RTN3: variants seen among roughly 807,000 people sequenced by gnomAD.
The protein encoded by RTN3 is reticulon 3.
RTN3 carries 49 observed loss-of-function variants against 77.8 expected under a neutral mutation model. That is an observed-to-expected ratio of 0.63 (90% CI 0.50 to 0.80). RTN3 has a LOEUF of 0.80. Ranked by LOEUF, RTN3 falls within the 30% of genes least tolerant of loss-of-function variation. The pLI, the probability that RTN3 is intolerant of heterozygous loss-of-function variation, is 0.00. For missense variants in RTN3, 1,236 were observed against 1,211.9 expected (o/e 1.02, Z -0.29); for synonymous variants, 464 against 446.9 (o/e 1.04, Z -0.48).
rs1342709360 is a variant in RTN3 at position 63,750,103 on chromosome 11, C to T, written c.2643C>T (p.Tyr881=). ...TCAGTGTCATCAGTGTGGTTTCTTA[C>T]CTCATCCTGGCTCTTCTCTCTGTCA... ...AAFSVISVVS[Y]LILALLSVTI... Residue 881 remains tyrosine, a synonymous_variant, in exon 4 of 9, where the codon TAC becomes TAT. Coordinates refer to ENST00000377819, the MANE Select transcript of RTN3 (RefSeq NM_001265589.2). 3 of 1,613,150 alleles carry T rather than the reference C, an allele frequency of 1.9e-6. No homozygotes were observed. The highest frequency in any genetic ancestry group is 2.2e-5 in the South Asian group (2 of 90,860).
chr11:63,750,530 G>T, intron 4 of RTN3: 1 of 227,058 alleles, frequency 4.4e-6, no homozygotes, highest in South Asian at 6.1e-5. Flanking sequence ...TCAGCTTATC[G>T]CAACCTCTGC....
intron 3 of RTN3, among the ~76,000 whole-genome samples, chr11:63,741,528 C>T (rs2013478740): frequency 7.2e-6 from 1 of 138,948 alleles, no homozygotes; most frequent in Non-Finnish European, 1.5e-5. Flanking sequence ...GAGACAGCGT[C>T]TCATTCTATT....
chr11:63,682,715 A>G (rs1417457813), intron 1 of RTN3, among the ~76,000 whole-genome samples: 2 of 152,160 alleles, frequency 1.3e-5, no homozygotes, highest in African/African-American at 4.8e-5. Flanking sequence ...CATCTCTGTG[A>G]AAGACTAAGA....
Position 63,720,903 on chromosome 11 carries a change from T to A in RTN3, c.2401T>A (p.Ser801Thr). The part of the protein sequence containing the change: ...DILERNVKNG[S>T]DLGISQKPIT... Reference sequence around the variant, plus strand: ...CCTAGAACGTAATGTCAAGAATGGATCTGATCTTGGGATTTCCCAGAAGCC... The same window carrying A: ...CCTAGAACGTAATGTCAAGAATGGAACTGATCTTGGGATTTCCCAGAAGCC... The change falls in exon 3 of 9, where the codon TCT becomes ACT. Residue 801 changes from serine (S) to threonine (T), a missense_variant. Ser to Thr is a moderately conservative substitution (Grantham distance 58). Coordinates refer to ENST00000377819, the MANE Select transcript of RTN3 (RefSeq NM_001265589.2). The A allele has an allele frequency of 6.2e-7, 1 of 1,614,078 alleles. No individual in the cohort carries two copies.
At chr11:63,742,233 C>T (rs191728908) in intron 3 of RTN3, among the ~76,000 whole-genome samples, 110 of 151,486 alleles carry the variant, frequency 7.3e-4, no homozygotes, top group Middle Eastern at 3.4e-3. Context: ...CCTGCCTCGG[C>T]CTCCCAAAGT....
In RTN3 at chr11:63,688,223, CTT is replaced by C. The variant is rs34253380; in HGVS notation, c.142+6462_142+6463del. 6.8e-3 allele frequency among the ~76,000 whole-genome samples: 885 copies of C among 130,186 alleles called. 9 individuals are homozygous for C. The highest frequency in any genetic ancestry group is 0.023 in the African/African-American group (822 of 35,746). The allele number at this position is 130,186 out of a possible 152,430, so 85.4% of individuals were successfully genotyped here. On this transcript the variant is annotated intron_variant, in intron 1 of 8. Transcript: ENST00000377819. Reference sequence around the variant, plus strand: ...CTCCAAGAATAAGAAGTGTGTTTTGCTTTTTTTTTTTTTTTTTTGAGACGGAG... The same window carrying C: ...CTCCAAGAATAAGAAGTGTGTTTTGCTTTTTTTTTTTTTTTTGAGACGGAG...
intron 3 of RTN3, among the ~76,000 whole-genome samples, chr11:63,730,754 G>A (rs1028868936): frequency 1.4e-4 from 22 of 152,142 alleles, no homozygotes; most frequent in Non-Finnish European, 2.8e-4. Flanking sequence ...AGGAGGTGGA[G>A]GCTGCAGTGA....
At chr11:63,751,904 A>G (rs1190460377) in intron 4 of RTN3, among the ~76,000 whole-genome samples, 2 of 152,140 alleles carry the variant, frequency 1.3e-5, no homozygotes, top group African/African-American at 4.8e-5. Flanking sequence ...AGGCAGGAGA[A>G]TATCTTGAAC....
Position 63,758,778 on chromosome 11 carries a change from A to G in RTN3, c.*577A>G, listed in dbSNP as rs2014519184. 1 of 160,908 alleles carries G rather than the reference A, an allele frequency of 6.2e-6. No homozygotes were observed. The highest frequency in any genetic ancestry group is 1.4e-5 in the Non-Finnish European group (1 of 73,854). The allele number at this position is 160,908 out of a possible 1,614,324, so 10.0% of individuals were successfully genotyped here. A position where few individuals can be genotyped will look rare whatever the true frequency, so the allele number is the denominator to read the frequency against. The stretch of plus-strand genomic sequence containing the variant: ...TAAATAACTTATAGGTGATAGTGAT[A>G]ATTCCTGATTCCAAGAATGCCATCT... On this transcript the variant is annotated 3_prime_UTR_variant, in exon 9 of 9. Coordinates refer to ENST00000377819, the MANE Select transcript of RTN3 (RefSeq NM_001265589.2).
chr11:63,697,026 A>G (rs1941991816), intron 1 of RTN3, among the ~76,000 whole-genome samples: 1 of 150,948 alleles, frequency 6.6e-6, no homozygotes, highest in South Asian at 2.1e-4. Flanking sequence ...CTGGGACTAC[A>G]GACGCCTGCC....
At chr11:63,689,647 C>G (rs894875579) in intron 1 of RTN3, among the ~76,000 whole-genome samples, 4 of 151,416 alleles carry the variant, frequency 2.6e-5, no homozygotes, top group Non-Finnish European at 5.9e-5. Context: ...TTTCTCCAAT[C>G]AACTGATTTA....
At chr11:63,688,720 G>GA (rs1170709070) in intron 1 of RTN3, among the ~76,000 whole-genome samples, 1 of 152,054 alleles carries the variant, frequency 6.6e-6, no homozygotes, top group South Asian at 2.1e-4. Flanking sequence ...AAGATGGGCT[G>GA]AAAATAAAAA....
At chr11:63,690,012 G>C (rs1164009402) in intron 1 of RTN3, among the ~76,000 whole-genome samples, 2 of 151,714 alleles carry the variant, frequency 1.3e-5, no homozygotes, top group Non-Finnish European at 2.9e-5. Context: ...CCCCCGCCTC[G>C]GCCTCCCACA....
Position 63,720,609 on chromosome 11 carries a change from A to G in RTN3, c.2107A>G (p.Ile703Val), listed in dbSNP as rs947244718. 1.2e-6 allele frequency: 2 copies of G among 1,613,814 alleles called. No individual in the cohort carries two copies. Among genetic ancestry groups the G allele is most frequent in the African/African-American group, 2.7e-5 (2 of 74,898 alleles). ...LHENESGGSE[I>V]KDIGSKYSEQ... ...TGAAAATGAGTCCGGTGGTTCTGAAATTAAAGACATTGGAAGCAAATACAG... is the reference window on the plus strand; with the variant it reads ...TGAAAATGAGTCCGGTGGTTCTGAAGTTAAAGACATTGGAAGCAAATACAG... Residue 703 changes from isoleucine to valine, a missense_variant, in exon 3 of 9, where the codon ATT (isoleucine) becomes GTT (valine). Physicochemically the swap from Ile to Val is conservative, Grantham distance 29 (BLOSUM62 3). Transcript: ENST00000377819.
At chr11:63,727,146 T>A (rs968039995) in intron 3 of RTN3, among the ~76,000 whole-genome samples, 3 of 152,104 alleles carry the variant, frequency 2.0e-5, no homozygotes, top group African/African-American at 7.2e-5. Context: ...TAAGACTCTA[T>A]CTTGAAAAAA....
At chr11:63,704,283 G>T (rs1942389179) in intron 1 of RTN3, among the ~76,000 whole-genome samples, 1 of 152,154 alleles carries the variant, frequency 6.6e-6, no homozygotes, top group Non-Finnish European at 1.5e-5. Flanking sequence ...TATTACAGAT[G>T]TGAGCCACCA....
intron 3 of RTN3, among the ~76,000 whole-genome samples, chr11:63,740,218 T>C (rs980126204): frequency 1.3e-5 from 2 of 152,170 alleles, no homozygotes; most frequent in Non-Finnish European, 2.9e-5. Flanking sequence ...TAGAAAAGTT[T>C]ATATGGAAGT....
At chr11:63,737,839 T>C (rs1031539708) in intron 3 of RTN3, among the ~76,000 whole-genome samples, 3 of 152,254 alleles carry the variant, frequency 2.0e-5, no homozygotes, top group African/African-American at 4.8e-5. Flanking sequence ...TACATATTTC[T>C]CTGGCCTGCT....
chr11:63,757,341 TTTTC>T (rs919582191), intron 8 of RTN3, among the ~76,000 whole-genome samples: 12 of 152,278 alleles, frequency 7.9e-5, no homozygotes, highest in Middle Eastern at 3.4e-3. Flanking sequence ...CTTTTTTCTT[TTTTC>T]TTTCTTTTTT....
Sources: allele counts gnomAD v4.1 joint callset (sites outside exome capture counted in the v4.1 genomes callset), GRCh38; gene constraint gnomAD v4.1.1; transcripts MANE v1.5; gene names NCBI Gene and HGNC (gene_info 2026-07-23, HGNC 2026-07-21).